Variants in WDR25 observed in about 807,000 individuals in gnomAD.
WDR25 encodes WD repeat-containing protein 25.
In WDR25, 35 loss-of-function variants were observed where a neutral mutation model predicts 47.7. That is an observed-to-expected ratio of 0.73 (90% CI 0.56 to 0.97). WDR25 has a LOEUF of 0.97. Among genes scored for constraint, WDR25 ranks in the 50% least tolerant of loss-of-function variants. The probability of loss-of-function intolerance (pLI) is 0.00; values close to 1 mark genes in which losing one functional copy is unlikely to be tolerated. For synonymous variants in WDR25, 248 were observed against 278.9 expected, an observed-to-expected ratio of 0.89 and a Z score of 1.10; for missense variants, 634 against 704.7, an observed-to-expected ratio of 0.90 and a Z score of 1.14.
At position 100,527,093 on chromosome 14, in the gene WDR25, G is replaced by A. The variant is rs527259055; in HGVS notation, c.1272+1053G>A. Among the ~76,000 whole-genome samples, 6 of 145,702 alleles carry A rather than the reference G, an allele frequency of 4.1e-5. No homozygotes were observed. The East Asian group carries it at 6.1e-4, about 15-fold the overall frequency. On this transcript the variant is annotated intron_variant, in intron 5 of 6. Coordinates refer to ENST00000402312, the MANE Select transcript of WDR25 (RefSeq NM_001161476.3). ...CTACCACCAACTGTATCACCACCAC[G>A]ATCACTGCCGTCATTACACCACCCC...
intron 2 of WDR25, among the ~76,000 whole-genome samples, chr14:100,427,309 T>C (rs1173814061): frequency 6.6e-6 from 1 of 152,212 alleles, no homozygotes; most frequent in Non-Finnish European, 1.5e-5. Context: ...TCCACCAGTG[T>C]GCTCCCACTG....
intron 4 of WDR25, among the ~76,000 whole-genome samples, chr14:100,507,877 G>GT (rs2140358390): frequency 6.6e-6 from 1 of 152,154 alleles, no homozygotes; most frequent in Non-Finnish European, 1.5e-5. Flanking sequence ...AAGAGAGATA[G>GT]TTTGACTTAT....
At chr14:100,524,949 C>T (rs1323366012) in intron 4 of WDR25, among the ~76,000 whole-genome samples, 3 of 152,090 alleles carry the variant, frequency 2.0e-5, no homozygotes, top group African/African-American at 7.2e-5. Context: ...GTATGAACTC[C>T]AATTAAAAAG....
chr14:100,514,208 T>C (rs1398970305), intron 4 of WDR25, among the ~76,000 whole-genome samples: 1 of 152,156 alleles, frequency 6.6e-6, no homozygotes, highest in Non-Finnish European at 1.5e-5. Flanking sequence ...AGTGCTGGGA[T>C]TACAAGCGTG....
chr14:100,431,686 A>T (rs1165537014), intron 2 of WDR25, among the ~76,000 whole-genome samples: 1 of 150,466 alleles, frequency 6.6e-6, no homozygotes, highest in African/African-American at 2.5e-5. Context: ...AGCTGGGATT[A>T]CAGGTGCCTG....
At chr14:100,491,812 GT>G (rs1276123227) in intron 4 of WDR25, among the ~76,000 whole-genome samples, 4 of 152,370 alleles carry the variant, frequency 2.6e-5, no homozygotes, top group African/African-American at 9.6e-5. Flanking sequence ...GGATGGGACA[GT>G]GGTGGGTTTT....
chr14:100,450,023 C>T (rs1003100811), intron 2 of WDR25, among the ~76,000 whole-genome samples: 44 of 152,344 alleles, frequency 2.9e-4, no homozygotes, highest in African/African-American at 1.0e-3. Flanking sequence ...CTCCCCTCTG[C>T]GCACCCTCTT....
intron 2 of WDR25, among the ~76,000 whole-genome samples, chr14:100,398,748 T>C (rs1897313512): frequency 6.7e-6 from 1 of 148,596 alleles, no homozygotes; most frequent in African/African-American, 2.5e-5. Context: ...GCTCTTGCTA[T>C]TTAATAAGTA....
chr14:100,437,787 C>G (rs1420911222), intron 2 of WDR25, among the ~76,000 whole-genome samples: 1 of 152,154 alleles, frequency 6.6e-6, no homozygotes, highest in East Asian at 1.9e-4. Context: ...TTATACGCCC[C>G]CTTAGTGAAG....
intron 4 of WDR25, among the ~76,000 whole-genome samples, chr14:100,509,822 G>GT (rs1269500916): frequency 6.6e-6 from 1 of 151,974 alleles, no homozygotes; most frequent in Non-Finnish European, 1.5e-5. Flanking sequence ...GTAGTTTCAT[G>GT]TTTTTGCCTG....
chr14:100,467,475 G>A (rs1279481839), intron 2 of WDR25, among the ~76,000 whole-genome samples: 3 of 152,162 alleles, frequency 2.0e-5, no homozygotes, highest in East Asian at 1.9e-4. Flanking sequence ...GTAGGTGACC[G>A]GCAGACACAG....
intron 2 of WDR25, among the ~76,000 whole-genome samples, chr14:100,463,612 C>T (rs1899503253): frequency 6.6e-6 from 1 of 152,218 alleles, no homozygotes; most frequent in Non-Finnish European, 1.5e-5. Context: ...ACAATTTCCA[C>T]AATGGCATCC....
At chr14:100,419,778 ATGT>A (rs1229126965) in intron 2 of WDR25, among the ~76,000 whole-genome samples, 7 of 152,256 alleles carry the variant, frequency 4.6e-5, no homozygotes, top group African/African-American at 9.6e-5. Flanking sequence ...AAATAGGATG[ATGT>A]TGTGAACACA....
At chr14:100,469,897 C>T (rs896379608) in intron 3 of WDR25, among the ~76,000 whole-genome samples, 1 of 152,220 alleles carries the variant, frequency 6.6e-6, no homozygotes, top group African/African-American at 2.4e-5. Flanking sequence ...CTGTTACACT[C>T]TGTTGTCTGC....
intron 2 of WDR25, among the ~76,000 whole-genome samples, chr14:100,422,556 C>A (rs1898055379): frequency 6.6e-6 from 1 of 152,190 alleles, no homozygotes; most frequent in African/African-American, 2.4e-5. Flanking sequence ...TCCTTGTACA[C>A]CCCTGTGAAA....
rs1190022460 is a variant in WDR25 at position 100,430,182 on chromosome 14, G to A, written c.823-37839G>A. ...TGTGTGTGTGTGTGTGTGTGTGTGT[G>A]TGTTCCCGGGAAGGCACATCCTAAG... On this transcript the variant is annotated intron_variant, in intron 2 of 6. Coordinates refer to ENST00000402312, the MANE Select transcript of WDR25 (RefSeq NM_001161476.3). The surrounding 1 kb of genome is among the most constrained non-coding windows in gnomAD (Gnocchi z 4.7). 6.6e-6 allele frequency among the ~76,000 whole-genome samples: 1 copy of A among 151,790 alleles called. No individual in the cohort carries two copies. Among genetic ancestry groups the A allele is most frequent in the African/African-American group, 2.4e-5 (1 of 41,264 alleles).
chr14:100,416,251 C>A (rs923044882), intron 2 of WDR25, among the ~76,000 whole-genome samples: 4 of 152,182 alleles, frequency 2.6e-5, no homozygotes, highest in African/African-American at 9.7e-5. Context: ...AGAGGCAGTA[C>A]AAGGGAAGTG....
intron 2 of WDR25, among the ~76,000 whole-genome samples, chr14:100,465,291 G>T (rs1047630639): frequency 9.9e-5 from 15 of 152,096 alleles, no homozygotes; most frequent in Non-Finnish European, 2.1e-4. Flanking sequence ...TGTGCAGTCT[G>T]CACCCCATCT....
chr14:100,387,609 A>G (rs893417842), intron 2 of WDR25, among the ~76,000 whole-genome samples: 1 of 152,240 alleles, frequency 6.6e-6, no homozygotes, highest in Non-Finnish European at 1.5e-5. Flanking sequence ...CTGAGAGGCC[A>G]CTTCTGTCCT....
Sources: gnomAD v4.1 joint callset for allele counts (sites outside exome capture counted in the v4.1 genomes callset) on GRCh38, gnomAD v4.1.1 for gene constraint, Gnocchi (gnomAD v3.1) non-coding constraint, MANE v1.5 for transcripts, NCBI Gene and HGNC (gene_info 2026-07-23, HGNC 2026-07-21) for gene names.